The following MEOX2 variants were observed in gnomAD, a reference collection of about 807,000 sequenced individuals.
The protein encoded by MEOX2 is mesenchyme homeobox 2, also known as homeobox protein MOX-2.
Under a neutral mutation model 27.0 loss-of-function variants are expected in MEOX2, and 11 were observed. The ratio of observed to expected loss-of-function variants is 0.41; its 90% confidence interval spans 0.26 to 0.68. The LOEUF (loss-of-function observed/expected upper bound fraction) is 0.68, where lower values mean the gene tolerates loss of function less well. Among genes scored for constraint, MEOX2 ranks in the 30% least tolerant of loss-of-function variants. The probability of loss-of-function intolerance (pLI) is 0.33; values close to 1 mark genes in which losing one functional copy is unlikely to be tolerated. For synonymous variants in MEOX2, 189 were observed against 155.4 expected (o/e 1.22, Z -1.61); for missense variants, 436 against 385.4 (o/e 1.13, Z -1.10).
intron 2 of MEOX2, among the ~76,000 whole-genome samples, chr7:15,613,341 G>A (rs1781062929): frequency 6.6e-6 from 1 of 150,508 alleles, no homozygotes; most frequent in South Asian, 2.1e-4. Context: ...CATTGAATTT[G>A]CCTAATACAT....
intron 1 of MEOX2, among the ~76,000 whole-genome samples, chr7:15,629,263 CA>C (rs1274831289): frequency 6.6e-6 from 1 of 151,966 alleles, no homozygotes; most frequent in Non-Finnish European, 1.5e-5. Context: ...AACAAAAACA[CA>C]AAACATGGGC....
intron 1 of MEOX2, among the ~76,000 whole-genome samples, chr7:15,636,120 TAC>T (rs1329940029): frequency 3.3e-5 from 5 of 151,986 alleles, no homozygotes; most frequent in African/African-American, 1.2e-4. Context: ...GTTTAATTAA[TAC>T]TTCTAAATGG....
At chr7:15,667,312 A>AT (rs770343771) in intron 1 of MEOX2, among the ~76,000 whole-genome samples, 22 of 146,424 alleles carry the variant, frequency 1.5e-4, no homozygotes, top group South Asian at 1.1e-3. Context: ...AAAAAAAAAA[A>AT]GTAGGAAATA....
At chr7:15,619,945 T>C (rs1383880834) in intron 2 of MEOX2, among the ~76,000 whole-genome samples, 3 of 152,136 alleles carry the variant, frequency 2.0e-5, no homozygotes, top group Non-Finnish European at 4.4e-5. Context: ...TCTTGCTTTA[T>C]TATTGATCTT....
At chr7:15,648,362 A>G (rs887886669) in intron 1 of MEOX2, among the ~76,000 whole-genome samples, 3 of 152,148 alleles carry the variant, frequency 2.0e-5, no homozygotes, top group Admixed American at 6.6e-5. Flanking sequence ...CCAACTATAC[A>G]TAAAAAATAA....
At chr7:15,642,891 C>A (rs948444271) in intron 1 of MEOX2, among the ~76,000 whole-genome samples, 3 of 152,156 alleles carry the variant, frequency 2.0e-5, no homozygotes, top group South Asian at 2.1e-4. Flanking sequence ...CTGTAGAGAA[C>A]CTTAGTTTAG....
chr7:15,645,624 A>T (rs1781630469), intron 1 of MEOX2, among the ~76,000 whole-genome samples: 1 of 152,158 alleles, frequency 6.6e-6, no homozygotes, highest in Non-Finnish European at 1.5e-5. Flanking sequence ...TTGGTAAAAA[A>T]CACCCTTGGT....
intron 1 of MEOX2, among the ~76,000 whole-genome samples, chr7:15,662,348 G>C (rs2115384555): frequency 6.6e-6 from 1 of 151,806 alleles, no homozygotes; most frequent in South Asian, 2.1e-4. Flanking sequence ...TAAACTAAAA[G>C]CAATTAAGTA....
Position 15,612,564 on chromosome 7 carries a change from C to T in MEOX2, c.738G>A (p.Lys246=). The change falls in exon 3 of 3, where the codon AAG becomes AAA. Residue 246 remains lysine (K), a synonymous_variant. Coordinates refer to ENST00000262041, the MANE Select transcript of MEOX2 (RefSeq NM_005924.5). ...QNRRMKWKRV[K]GGQQGAAARE... ...GAGCCGCAGCTCCTTGCTGTCCACC[C>T]TTTACCCTCTTCCACTTCATCCGCC... is the stretch of plus-strand genomic sequence containing the variant. The T allele has an allele frequency of 1.2e-6, 2 of 1,614,152 alleles. No homozygotes were observed. Among genetic ancestry groups the T allele is most frequent in the Non-Finnish European group, 1.7e-6 (2 of 1,180,036 alleles).
At chr7:15,668,568 G>T (rs541475485) in intron 1 of MEOX2, among the ~76,000 whole-genome samples, 1 of 152,084 alleles carries the variant, frequency 6.6e-6, no homozygotes, top group East Asian at 1.9e-4. Context: ...TGCAACATCC[G>T]CCTCCTGGGT....
rs1583777084 is a variant in MEOX2 at position 15,660,624 on chromosome 7, A to G, written c.517+25262T>C. ...GATTACCAAACACCTCCTGAGGAACAAAATCACTCTGATTTGAGAACCACT... is the reference window on the plus strand; with the variant it reads ...GATTACCAAACACCTCCTGAGGAACGAAATCACTCTGATTTGAGAACCACT... On this transcript the variant is annotated intron_variant, in intron 1 of 2. Coordinates refer to ENST00000262041, the MANE Select transcript of MEOX2 (RefSeq NM_005924.5). Among the ~76,000 whole-genome samples, 3 of 152,188 alleles carry G rather than the reference A, an allele frequency of 2.0e-5. No individual in the cohort carries two copies. In the East Asian group the frequency reaches 5.8e-4, roughly 29 times the overall value.
intron 1 of MEOX2, among the ~76,000 whole-genome samples, chr7:15,657,689 ACTTCT>A (rs1273979538): frequency 6.6e-6 from 1 of 152,214 alleles, no homozygotes; most frequent in Non-Finnish European, 1.5e-5. Context: ...ATGACATCTA[ACTTCT>A]CTATTATCTC....
intron 1 of MEOX2, among the ~76,000 whole-genome samples, chr7:15,664,833 G>A (rs1384644450): frequency 6.6e-6 from 1 of 152,120 alleles, no homozygotes; most frequent in African/African-American, 2.4e-5. Context: ...GTGGATATCT[G>A]CTGGACTTTC....
intron 1 of MEOX2, among the ~76,000 whole-genome samples, chr7:15,652,320 C>G (rs1202258525): frequency 6.6e-6 from 1 of 151,974 alleles, no homozygotes; most frequent in Non-Finnish European, 1.5e-5. Context: ...TTTGAATACT[C>G]TCATTAAGTA....
chr7:15,638,641 C>T (rs1190672834), intron 1 of MEOX2, among the ~76,000 whole-genome samples: 4 of 152,064 alleles, frequency 2.6e-5, no homozygotes, highest in Non-Finnish European at 5.9e-5. Context: ...CCTTCTCTCT[C>T]TCCCCTTTTG....
intron 1 of MEOX2, among the ~76,000 whole-genome samples, chr7:15,643,211 T>C (rs1290892331): frequency 6.6e-6 from 1 of 152,150 alleles, no homozygotes; most frequent in African/African-American, 2.4e-5. Flanking sequence ...CTGTTGGCAG[T>C]GGGATTTTTG....
intron 2 of MEOX2, among the ~76,000 whole-genome samples, chr7:15,613,994 A>C (rs1781077296): frequency 6.6e-6 from 1 of 151,566 alleles, no homozygotes; most frequent in African/African-American, 2.4e-5. Flanking sequence ...TCCTTTTCTT[A>C]GAGTGTCTTT....
chr7:15,628,657 T>G (rs1781354249), intron 1 of MEOX2, among the ~76,000 whole-genome samples: 1 of 152,008 alleles, frequency 6.6e-6, no homozygotes, highest in African/African-American at 2.4e-5. Context: ...ACATAAGAGA[T>G]GATGTGTGTG....
At chr7:15,624,994 C>T (rs1427376511) in intron 2 of MEOX2, among the ~76,000 whole-genome samples, 2 of 152,124 alleles carry the variant, frequency 1.3e-5, no homozygotes, top group Non-Finnish European at 2.9e-5. Flanking sequence ...AATGATTCTG[C>T]TCCGTGGTCA....
Sources: allele counts gnomAD v4.1 joint callset (sites outside exome capture counted in the v4.1 genomes callset), GRCh38; gene constraint gnomAD v4.1.1; transcripts MANE v1.5; gene names NCBI Gene and HGNC (gene_info 2026-07-23, HGNC 2026-07-21).